The following DRC11 variants were observed in gnomAD, a reference collection of about 807,000 sequenced individuals.
DRC11 encodes IQ and AAA domain-containing protein 1.
At chr2:236,378,634 A>G in the DRC11 span, among the ~76,000 whole-genome samples, 3 of 151,692 alleles carry the variant, frequency 2.0e-5, no homozygotes, top group Admixed American at 6.6e-5. Flanking sequence ...GAGATGGCGC[A>G]AGTTCTCTCC....
the DRC11 span, chr2:236,465,726 A>G: frequency 6.5e-7 from 1 of 1,529,518 alleles, no homozygotes; most frequent in African/African-American, 1.4e-5. This position sits in a 1 kb window ranked among gnomAD's most constrained non-coding sequence, Gnocchi z 6.2. Flanking sequence ...AATATATACA[A>G]GCAACAAGGT....
chr2:236,357,308 GA>G, the DRC11 span, among the ~76,000 whole-genome samples: 3 of 113,064 alleles, frequency 2.7e-5, no homozygotes, highest in Non-Finnish European at 4.9e-5. Flanking sequence ...TATTCATATA[GA>G]TCTATATATT....
the DRC11 span, among the ~76,000 whole-genome samples, chr2:236,401,900 C>A: frequency 6.6e-6 from 1 of 152,200 alleles, no homozygotes; most frequent in South Asian, 2.1e-4. The surrounding 1 kb of genome is among the most constrained non-coding windows in gnomAD (Gnocchi z 4.6). Context: ...CCAGCAGAAC[C>A]ATCATTTCTT....
At chr2:236,443,901 T>C in the DRC11 span, among the ~76,000 whole-genome samples, 1 of 152,226 alleles carries the variant, frequency 6.6e-6, no homozygotes, top group Non-Finnish European at 1.5e-5. This position sits in a 1 kb window ranked among gnomAD's most constrained non-coding sequence, Gnocchi z 4.4. Context: ...CGTGAGATGG[T>C]ATCTCGTGAT....
At chr2:236,502,708 G>A in the DRC11 span, among the ~76,000 whole-genome samples, 7 of 151,916 alleles carry the variant, frequency 4.6e-5, no homozygotes, top group Non-Finnish European at 8.8e-5. Context: ...TCTAGCTAAA[G>A]GAAATTCTAG....
chr2:236,467,908 A>C, the DRC11 span, among the ~76,000 whole-genome samples: 1 of 152,214 alleles, frequency 6.6e-6, no homozygotes, highest in Non-Finnish European at 1.5e-5. Flanking sequence ...CTCTCTAAGA[A>C]ATACCTATGA....
the DRC11 span, chr2:236,368,926 G>C: frequency 5.3e-5 from 8 of 152,214 alleles, no homozygotes; most frequent in Non-Finnish European, 1.2e-4. Flanking sequence ...AGATATCAAA[G>C]GGCTTAATTG....
the DRC11 span, among the ~76,000 whole-genome samples, chr2:236,467,944 C>A: frequency 1.3e-5 from 2 of 152,070 alleles, no homozygotes; most frequent in Non-Finnish European, 2.9e-5. Context: ...AGGGATTTCA[C>A]AATGAAGATG....
the DRC11 span, among the ~76,000 whole-genome samples, chr2:236,358,873 C>T: frequency 9.4e-5 from 14 of 149,496 alleles, 1 homozygote; most frequent in African/African-American, 3.5e-4. Context: ...GGGGAAGCAT[C>T]GGCTCCGCAT....
chr2:236,370,354 A>G, the DRC11 span, among the ~76,000 whole-genome samples: 1 of 152,182 alleles, frequency 6.6e-6, no homozygotes, highest in South Asian at 2.1e-4. The surrounding 1 kb of genome is among the most constrained non-coding windows in gnomAD (Gnocchi z 5.5). Context: ...ATCCCATAGT[A>G]GTGGAAACTG....
At chr2:236,334,165 A>G in the DRC11 span, among the ~76,000 whole-genome samples, 1 of 152,224 alleles carries the variant, frequency 6.6e-6, no homozygotes, top group Non-Finnish European at 1.5e-5. This position sits in a 1 kb window ranked among gnomAD's most constrained non-coding sequence, Gnocchi z 7.8. Context: ...ATGCAAAACC[A>G]GGCTTGGCTT....
At chr2:236,502,548 C>CAAAAAAAAAAAAAAAAAA in the DRC11 span, among the ~76,000 whole-genome samples, 11 of 15,088 alleles carry the variant, frequency 7.3e-4, 1 homozygote, top group African/African-American at 1.1e-3. Flanking sequence ...TGCACTCCAG[C>CAAAAAAAAAAAAAAAAAA]AAAAAAAAAA....
the DRC11 span, among the ~76,000 whole-genome samples, chr2:236,399,160 T>C: frequency 6.6e-6 from 1 of 152,128 alleles, no homozygotes; most frequent in Non-Finnish European, 1.5e-5. The surrounding 1 kb of genome is among the most constrained non-coding windows in gnomAD (Gnocchi z 7.0). Flanking sequence ...CAGCTAATTT[T>C]TTTTATTTTT....
the DRC11 span, among the ~76,000 whole-genome samples, chr2:236,344,889 T>C: frequency 2.0e-5 from 3 of 147,448 alleles, no homozygotes; most frequent in African/African-American, 7.7e-5. Flanking sequence ...CCCTCTGGGG[T>C]GTGCAGAGCC....
the DRC11 span, chr2:236,419,186 GC>G: frequency 2.6e-6 from 4 of 1,535,108 alleles, no homozygotes; most frequent in Non-Finnish European, 3.5e-6. This position sits in a 1 kb window ranked among gnomAD's most constrained non-coding sequence, Gnocchi z 4.8. Flanking sequence ...TTGTTTTTTG[GC>G]TTTCTTGGGT....
the DRC11 span, chr2:236,465,702 AG>A: frequency 1.2e-6 from 2 of 1,605,602 alleles, no homozygotes; most frequent in Non-Finnish European, 1.7e-6. The surrounding 1 kb of genome is among the most constrained non-coding windows in gnomAD (Gnocchi z 6.2). Flanking sequence ...TAAAGAGAGG[AG>A]GTGGATTCTG....
chr2:236,318,628 T>C, the DRC11 span, among the ~76,000 whole-genome samples: 1 of 143,116 alleles, frequency 7.0e-6, no homozygotes, highest in Admixed American at 6.8e-5. This position sits in a 1 kb window ranked among gnomAD's most constrained non-coding sequence, Gnocchi z 7.0. Context: ...GGTGTGCATA[T>C]ATCGTTTGTG....
At chr2:236,362,982 C>T in the DRC11 span, among the ~76,000 whole-genome samples, 3 of 152,258 alleles carry the variant, frequency 2.0e-5, no homozygotes, top group South Asian at 2.1e-4. This position sits in a 1 kb window ranked among gnomAD's most constrained non-coding sequence, Gnocchi z 5.7. Context: ...TAAACTGCCT[C>T]GTTGATGAGC....
chr2:236,387,960 T>C, the DRC11 span, among the ~76,000 whole-genome samples: 1 of 152,162 alleles, frequency 6.6e-6, no homozygotes, highest in Admixed American at 6.5e-5. Flanking sequence ...GGTTGAAAAT[T>C]CTTTTCTTTA....
Sources: gnomAD v4.1 joint callset for allele counts (sites outside exome capture counted in the v4.1 genomes callset) on GRCh38, gnomAD v4.1.1 for gene constraint, Gnocchi (gnomAD v3.1) non-coding constraint, MANE v1.5 for transcripts, NCBI Gene and HGNC (gene_info 2026-07-23, HGNC 2026-07-21) for gene names.